Variants in OR51B5 observed in about 807,000 individuals in gnomAD.
OR51B5 encodes the protein olfactory receptor 51B5.
For missense variants in OR51B5, 456 were observed against 374.6 expected, an observed-to-expected ratio of 1.22 and a Z score of -1.79; for synonymous variants, 186 against 144.8, an observed-to-expected ratio of 1.28 and a Z score of -2.04.
chr11:5,384,839 CTCT>C (rs1849661612), intron 1 of OR51B5, among the ~76,000 whole-genome samples: 1 of 152,192 alleles, frequency 6.6e-6, no homozygotes, highest in African/African-American at 2.4e-5. Flanking sequence ...CAAAATCCTC[CTCT>C]ATCCTACTAA....
At chr11:5,480,172 G>A (rs1428361555) in intron 1 of OR51B5, among the ~76,000 whole-genome samples, 2 of 151,690 alleles carry the variant, frequency 1.3e-5, no homozygotes, top group African/African-American at 4.8e-5. Flanking sequence ...AGACCACAGT[G>A]CAATCAAACT....
chr11:5,386,255 GA>G (rs1376978961), intron 1 of OR51B5, among the ~76,000 whole-genome samples: 3 of 152,010 alleles, frequency 2.0e-5, no homozygotes, highest in Non-Finnish European at 2.9e-5. Flanking sequence ...TGTTGACTGG[GA>G]AAAGATGGGT....
chr11:5,405,422 T>C (rs1340022246), intron 1 of OR51B5, among the ~76,000 whole-genome samples: 1 of 152,152 alleles, frequency 6.6e-6, no homozygotes, highest in Non-Finnish European at 1.5e-5. Context: ...GTCAGTCAAG[T>C]AGAATTTATT....
At chr11:5,393,913 T>G (rs999525227) in intron 1 of OR51B5, among the ~76,000 whole-genome samples, 3 of 152,186 alleles carry the variant, frequency 2.0e-5, no homozygotes, top group Non-Finnish European at 4.4e-5. Context: ...ACCACTCGTT[T>G]CAGGGCCATG....
chr11:5,442,668 T>TGC (rs1850708367), intron 1 of OR51B5, among the ~76,000 whole-genome samples: 1 of 152,196 alleles, frequency 6.6e-6, no homozygotes, highest in African/African-American at 2.4e-5. Context: ...TTTAGTTATT[T>TGC]GCCTGCTTCT....
At chr11:5,385,856 T>A (rs758078096) in intron 1 of OR51B5, among the ~76,000 whole-genome samples, 181 of 141,890 alleles carry the variant, frequency 1.3e-3, no homozygotes, top group Non-Finnish European at 2.0e-3. Flanking sequence ...AAATGTATAT[T>A]CTATAAAGTA....
At chr11:5,392,334 C>T (rs1849808047) in intron 1 of OR51B5, 1 of 152,122 alleles carries the variant, frequency 6.6e-6, no homozygotes, top group African/African-American at 2.4e-5. Flanking sequence ...AATAGCAGTT[C>T]CGAGACTTAG....
chr11:5,360,581 G>A (rs12794431), intron 1 of OR51B5, among the ~76,000 whole-genome samples: 57,416 of 151,550 alleles, frequency 0.38, 11,117 homozygotes, highest in Non-Finnish European at 0.41. Flanking sequence ...AAGTCAGTGT[G>A]GCGATTCCTC....
At position 5,352,120 on chromosome 11, in the gene OR51B5, G is replaced by T. The variant is rs762785080; in HGVS notation, n.85-5210C>A. On this transcript the variant is annotated intron_variant and non_coding_transcript_variant, in intron 1 of 4. Coordinates refer to the OR51B5 transcript ENST00000415970. The stretch of plus-strand genomic sequence containing the variant: ...TCCAGTTGTAGTTTTATTTGCAATG[G>T]TCTTGTTGGACTTTCTCATCATCTT... The T allele has an allele frequency of 1.9e-6, 3 of 1,614,008 alleles. No individual in the cohort carries two copies. In the African/African-American group the frequency reaches 4.0e-5, roughly 22 times the overall value.
intron 1 of OR51B5, chr11:5,389,493 T>G: frequency 6.2e-7 from 1 of 1,614,038 alleles, no homozygotes; most frequent in Non-Finnish European, 8.5e-7. Context: ...TTTCCTGGAT[T>G]GGAAGGCATC....
chr11:5,368,081 C>T (rs1467808439), intron 1 of OR51B5, among the ~76,000 whole-genome samples: 1 of 152,208 alleles, frequency 6.6e-6, no homozygotes, highest in Non-Finnish European at 1.5e-5. Context: ...GACCCAGGCT[C>T]ACTCAGAACT....
At chr11:5,502,241 G>A (rs554222692) in intron 1 of OR51B5, among the ~76,000 whole-genome samples, 2 of 152,134 alleles carry the variant, frequency 1.3e-5, no homozygotes, top group South Asian at 4.2e-4. Context: ...GTCTCTACAT[G>A]GGTGACAAAG....
intron 1 of OR51B5, among the ~76,000 whole-genome samples, chr11:5,486,122 T>C (rs1851495114): frequency 1.0e-5 from 1 of 99,928 alleles, no homozygotes; most frequent in South Asian, 4.5e-4. Flanking sequence ...CCTCCACAAC[T>C]GTGAGAGAAT....
chr11:5,386,477 T>A (rs1159230893), intron 1 of OR51B5, among the ~76,000 whole-genome samples: 1 of 152,230 alleles, frequency 6.6e-6, no homozygotes, highest in East Asian at 1.9e-4. Context: ...ATATTCATGA[T>A]TATGTCAAGC....
At chr11:5,341,101 T>TTTTTTTATATTAA (rs1848885481), downstream of OR51B5, 2 of 152,202 alleles carry the variant, frequency 1.3e-5, no homozygotes, top group Admixed American at 1.3e-4. Context: ...AAATAAGGAT[T>TTTTTTTATATTAA]GCAGTTTTTC....
chr11:5,416,450 TAA>T (rs1850244779), intron 1 of OR51B5, among the ~76,000 whole-genome samples: 2 of 152,094 alleles, frequency 1.3e-5, no homozygotes, highest in South Asian at 4.1e-4. Flanking sequence ...GAAAAGGAAA[TAA>T]AGAGTATTCA....
chr11:5,433,150 G>A (rs61894128), intron 1 of OR51B5, among the ~76,000 whole-genome samples: 1 of 152,176 alleles, frequency 6.6e-6, no homozygotes, highest in Non-Finnish European at 1.5e-5. Flanking sequence ...TATCAAAGAT[G>A]TAGTGGCTTC....
At chr11:5,390,218 C>A in intron 1 of OR51B5, 1 of 1,614,026 alleles carries the variant, frequency 6.2e-7, no homozygotes, top group African/African-American at 1.3e-5. Context: ...GTCCCTGGTG[C>A]ACCGTTTTGG....
At chr11:5,449,834 T>C (rs1564816976) in intron 1 of OR51B5, among the ~76,000 whole-genome samples, 2 of 152,112 alleles carry the variant, frequency 1.3e-5, no homozygotes, top group South Asian at 4.1e-4. Flanking sequence ...CGTAAAAATC[T>C]CCAGGATATT....
Sources: gnomAD v4.1 joint callset for allele counts (sites outside exome capture counted in the v4.1 genomes callset) on GRCh38, gnomAD v4.1.1 for gene constraint, MANE v1.5 for transcripts, NCBI Gene and HGNC (gene_info 2026-07-23, HGNC 2026-07-21) for gene names.